The following ANO1 variants were observed in gnomAD, a reference collection of about 807,000 sequenced individuals.
ANO1 encodes the protein anoctamin 1.
Under a neutral mutation model 124.0 loss-of-function variants are expected in ANO1, and 59 were observed. The observed-to-expected ratio is 0.48, with a 90% CI of 0.39 to 0.59. ANO1 has a LOEUF of 0.59. Among genes scored for constraint, ANO1 ranks in the 20% least tolerant of loss-of-function variants. The pLI is 0.00. For missense variants in ANO1, 1,059 were observed against 1,328.0 expected (o/e 0.80, Z 3.15); for synonymous variants, 529 against 532.0 (o/e 0.99, Z 0.08).
intron 22 of ANO1, among the ~76,000 whole-genome samples, chr11:70,176,313 A>G (rs1288780092): frequency 6.6e-6 from 1 of 151,990 alleles, no homozygotes; most frequent in African/African-American, 2.4e-5. Flanking sequence ...AGATTTGGCT[A>G]ATTTTGTATT....
intron 1 of ANO1, among the ~76,000 whole-genome samples, chr11:70,031,606 C>T (rs376930629): frequency 1.9e-4 from 29 of 152,122 alleles, no homozygotes; most frequent in African/African-American, 6.8e-4. Context: ...AGAGTGGGGA[C>T]CAAGAGACTG....
chr11:70,051,103 C>T (rs782455153), intron 1 of ANO1, among the ~76,000 whole-genome samples: 1 of 152,170 alleles, frequency 6.6e-6, no homozygotes, highest in Non-Finnish European at 1.5e-5. Flanking sequence ...ATGAATGTAT[C>T]TGATGATTAC....
At position 70,105,725 on chromosome 11, in the gene ANO1, T is replaced by C; in HGVS notation, c.693-9T>C. On this transcript the variant is annotated splice_polypyrimidine_tract_variant and intron_variant, in intron 4 of 25. Transcript: ENST00000355303. ...ACTGTGTCTTGTTTCCTTCCCGATATTTCCACAGATTTGACTTGTCTGATA... is the reference window on the plus strand; with the variant it reads ...ACTGTGTCTTGTTTCCTTCCCGATACTTCCACAGATTTGACTTGTCTGATA... The C allele has an allele frequency of 6.2e-7, 1 of 1,613,388 alleles. No individual in the cohort carries two copies. Among genetic ancestry groups the C allele is most frequent in the Non-Finnish European group, 8.5e-7 (1 of 1,179,476 alleles).
intron 1 of ANO1, among the ~76,000 whole-genome samples, chr11:70,030,707 T>A (rs1172494521): frequency 6.6e-6 from 1 of 152,080 alleles, no homozygotes; most frequent in Non-Finnish European, 1.5e-5. Context: ...CATCTCAAAG[T>A]CCTTAATGTC....
chr11:70,052,531 C>CTTTTTTTTCTTTTTTTT (rs1857365075), intron 1 of ANO1, among the ~76,000 whole-genome samples: 2 of 65,932 alleles, frequency 3.0e-5, no homozygotes, highest in African/African-American at 1.1e-4. Context: ...TTTTTCTTTT[C>CTTTTTTTTCTTTTTTTT]TTTTTTTTTT....
chr11:69,968,601 C>T, the ANO1 span, among the ~76,000 whole-genome samples: 2 of 152,338 alleles, frequency 1.3e-5, no homozygotes, highest in African/African-American at 2.4e-5. Flanking sequence ...TTCGAGGACC[C>T]GTTTCTTCCT....
upstream of ANO1, among the ~76,000 whole-genome samples, chr11:69,981,407 G>T (rs565166434): frequency 1.3e-5 from 2 of 152,218 alleles, no homozygotes; most frequent in Non-Finnish European, 2.9e-5. Context: ...TTTATTAAGC[G>T]CTTGGAACGG....
At chr11:70,067,635 G>C (rs1857764824) in intron 1 of ANO1, among the ~76,000 whole-genome samples, 1 of 152,196 alleles carries the variant, frequency 6.6e-6, no homozygotes, top group Non-Finnish European at 1.5e-5. Context: ...GCCTGTGCGT[G>C]TTTTGCTGGC....
At chr11:70,019,580 T>TGC (rs1174186406) in intron 1 of ANO1, among the ~76,000 whole-genome samples, 1 of 151,860 alleles carries the variant, frequency 6.6e-6, no homozygotes, top group East Asian at 1.9e-4. Flanking sequence ...TTCCCAAGTA[T>TGC]GCATTCAGTG....
At chr11:70,068,444 A>T (rs1018896682) in intron 1 of ANO1, among the ~76,000 whole-genome samples, 8 of 152,184 alleles carry the variant, frequency 5.3e-5, no homozygotes, top group African/African-American at 1.7e-4. Context: ...GAATACAGAG[A>T]AAACAAAAAA....
At chr11:69,994,425 T>C (rs1105063) in intron 1 of ANO1, among the ~76,000 whole-genome samples, 129,914 of 151,916 alleles carry the variant, frequency 0.86, 56,119 homozygotes, top group East Asian at 0.99. Flanking sequence ...GATGGATGAA[T>C]AAATGAATGG....
upstream of ANO1, among the ~76,000 whole-genome samples, chr11:70,074,352 C>A (rs1402335636): frequency 6.6e-6 from 1 of 152,186 alleles, no homozygotes; most frequent in East Asian, 1.9e-4. Context: ...GGTGCCACGA[C>A]CTCTACCAAT....
At chr11:70,152,541 T>G in intron 13 of ANO1, 80 bp downstream of exon 13, 5 of 1,511,116 alleles carry the variant, frequency 3.3e-6, no homozygotes, top group Non-Finnish European at 3.7e-6. Context: ...ACCTAATCTC[T>G]TTCTACCACG....
Position 70,078,689 on chromosome 11 carries a change from T to A in ANO1, c.83T>A (p.Ile28Asn), listed in dbSNP as rs771710242. ...ATCAACATCTGCGCCATCGAGGACA[T>A]CGGCTACCTGCCGTCCGAGGGCACG... The part of the protein sequence containing the change: ...HIINICAIED[I>N]GYLPSEGTLL... Residue 28 changes from isoleucine to asparagine, a missense_variant, in exon 1 of 26, where the codon ATC (isoleucine) becomes AAC (asparagine). Physicochemically the swap from Ile to Asn is moderately radical, Grantham distance 149 (BLOSUM62 -3). Around this residue, in one of 2 missense-constraint regions of ANO1, gnomAD observed 250 missense variants for 233.1 expected, o/e 1.07. Coordinates refer to ENST00000355303, the MANE Select transcript of ANO1 (RefSeq NM_018043.7). The A allele has an allele frequency of 6.7e-7, 1 of 1,488,280 alleles. No homozygotes were observed. The highest frequency in any genetic ancestry group is 1.9e-5 in the Admixed American group (1 of 51,370). 92.2% of individuals were successfully genotyped at this position (1,488,280 alleles called of 1,614,324 possible).
intron 1 of ANO1, among the ~76,000 whole-genome samples, chr11:70,067,149 C>T (rs1857748200): frequency 6.6e-6 from 1 of 152,084 alleles, no homozygotes; most frequent in African/African-American, 2.4e-5. Flanking sequence ...CTGTACTGGC[C>T]ACCATGAGAA....
chr11:70,168,154 C>T, intron 21 of ANO1, among the ~76,000 whole-genome samples: 1 of 152,164 alleles, frequency 6.6e-6, no homozygotes, highest in Middle Eastern at 3.2e-3. Context: ...TCTGGACTCT[C>T]CCTGACCTGG....
intron 22 of ANO1, among the ~76,000 whole-genome samples, chr11:70,177,135 G>A (rs1013870040): frequency 6.6e-6 from 1 of 152,170 alleles, no homozygotes; most frequent in Non-Finnish European, 1.5e-5. Context: ...TCACCTGGGC[G>A]GACCCCCTTG....
intron 1 of ANO1, chr11:70,085,288 T>G: frequency 7.5e-6 from 9 of 1,200,082 alleles, no homozygotes; most frequent in Non-Finnish European, 1.0e-5. Flanking sequence ...GGGAACCCAC[T>G]GCCCTCAAAA....
At chr11:70,161,521 A>C (rs902106093) in intron 17 of ANO1, 101 bp from the exon 18 acceptor site, 4 of 1,424,506 alleles carry the variant, frequency 2.8e-6, no homozygotes, top group Non-Finnish European at 3.0e-6. Context: ...CGCCTATGAG[A>C]GCCGACTGAG....
Sources: allele counts gnomAD v4.1 joint callset (sites outside exome capture counted in the v4.1 genomes callset), GRCh38; gene constraint gnomAD v4.1.1; regional missense constraint gnomAD v4.1.1; transcripts MANE v1.5; gene names NCBI Gene and HGNC (gene_info 2026-07-23, HGNC 2026-07-21).